The following KCNG3 variants were observed in gnomAD, a reference collection of about 807,000 sequenced individuals.
KCNG3 encodes the protein potassium voltage-gated channel modifier subfamily G member 3, also known as voltage-gated potassium channel regulatory subunit KCNG3.
In KCNG3, 15 loss-of-function variants were observed where a neutral mutation model predicts 29.0. The ratio of observed to expected loss-of-function variants is 0.52; its 90% CI spans 0.35 to 0.80. The LOEUF (loss-of-function observed/expected upper bound fraction) is 0.80. Ranked by LOEUF, KCNG3 falls within the 30% of genes least tolerant of loss-of-function variation. The pLI is 0.01. For missense variants in KCNG3, 512 were observed against 605.7 expected (o/e 0.85, Z 1.62); for synonymous variants, 322 against 248.9 (o/e 1.29, Z -2.76).
At chr2:42,408,356 G>A in the KCNG3 span, among the ~76,000 whole-genome samples, 7 of 152,128 alleles carry the variant, frequency 4.6e-5, no homozygotes, top group East Asian at 5.8e-4. Context: ...TTCTGGGCCC[G>A]CTCATGGCCG....
intron 1 of KCNG3, among the ~76,000 whole-genome samples, chr2:42,465,140 AGAAT>A (rs1673108815): frequency 6.6e-6 from 1 of 152,236 alleles, no homozygotes; most frequent in African/African-American, 2.4e-5. Flanking sequence ...AAAATTAATG[AGAAT>A]GAGTGTAGTA....
intron 1 of KCNG3, among the ~76,000 whole-genome samples, chr2:42,448,699 C>T (rs1672665672): frequency 6.6e-6 from 1 of 152,098 alleles, no homozygotes; most frequent in Non-Finnish European, 1.5e-5. Context: ...GGAAGTAAAA[C>T]ACGCTTATGG....
chr2:42,480,301 C>G (rs1218457120), intron 1 of KCNG3, among the ~76,000 whole-genome samples: 2 of 152,122 alleles, frequency 1.3e-5, no homozygotes, highest in Non-Finnish European at 2.9e-5. Flanking sequence ...TCTCATTATC[C>G]CCATCTTACA....
At chr2:42,456,451 G>A (rs929070062) in intron 1 of KCNG3, among the ~76,000 whole-genome samples, 1 of 152,078 alleles carries the variant, frequency 6.6e-6, no homozygotes, top group African/African-American at 2.4e-5. Flanking sequence ...CCTGAGCCCA[G>A]GGCTGCAGTG....
In KCNG3 at chr2:42,492,846, T is replaced by C. The variant is rs1425906052; in HGVS notation, c.656A>G (p.Glu219Gly). 2 of 1,496,674 alleles carry C rather than the reference T, an allele frequency of 1.3e-6. No homozygotes were observed. The highest frequency in any genetic ancestry group is 2.4e-5 in the Admixed American group (1 of 42,356). The allele number at this position is 1,496,674 out of a possible 1,614,324, so 92.7% of individuals were successfully genotyped here. A position where few individuals can be genotyped will look rare whatever the true frequency, so the allele number is the denominator to read the frequency against. The change falls in exon 1 of 2, where the codon GAG (glutamate) becomes GGG (glycine). Residue 219 changes from glutamate (E) to glycine (G), a missense_variant. By Grantham distance (98) the Glu-to-Gly change is moderately conservative. This residue lies in a region of KCNG3 where 228 missense variants were observed against 200.0 expected (regional missense o/e 1.14). Transcript: ENST00000306078. ...AAGCAGTGCGTCCTACCCGGAGGGC[T>C]CCCTCCCAGGGCCGGCGGAGTACCT... ...RSRYSAGPGR[E>G]PSGIIEAICI...
At chr2:42,459,580 T>C (rs1672965135) in intron 1 of KCNG3, among the ~76,000 whole-genome samples, 1 of 152,204 alleles carries the variant, frequency 6.6e-6, no homozygotes, top group Admixed American at 6.5e-5. Context: ...TCATTCACCA[T>C]GCAACAAAGC....
At chr2:42,430,421 A>C in the KCNG3 span, among the ~76,000 whole-genome samples, 1 of 151,892 alleles carries the variant, frequency 6.6e-6, no homozygotes, top group Non-Finnish European at 1.5e-5. Context: ...TACGCTAACC[A>C]ACTAGGATCA....
At chr2:42,491,029 C>T (rs1673860490) in intron 1 of KCNG3, among the ~76,000 whole-genome samples, 2 of 152,108 alleles carry the variant, frequency 1.3e-5, no homozygotes, top group Admixed American at 6.6e-5. Context: ...GGCCATTAAG[C>T]TAAGAAAAAC....
the KCNG3 span, among the ~76,000 whole-genome samples, chr2:42,419,797 G>C: frequency 6.6e-6 from 1 of 152,204 alleles, no homozygotes; most frequent in East Asian, 1.9e-4. Flanking sequence ...GCAATGAGGA[G>C]ACAACAGGTC....
intron 1 of KCNG3, among the ~76,000 whole-genome samples, chr2:42,472,670 TG>T (rs990793055): frequency 5.3e-5 from 8 of 151,834 alleles, no homozygotes; most frequent in African/African-American, 1.9e-4. Context: ...GGCTAATTTT[TG>T]TATTTTTTGG....
intron 1 of KCNG3, among the ~76,000 whole-genome samples, chr2:42,456,461 G>A: frequency 6.6e-6 from 1 of 152,056 alleles, no homozygotes; most frequent in East Asian, 1.9e-4. Flanking sequence ...GGGCTGCAGT[G>A]GGCCATGATC....
At chr2:42,472,903 A>T (rs746100589) in intron 1 of KCNG3, among the ~76,000 whole-genome samples, 1,609 of 131,516 alleles carry the variant, frequency 0.012, 43 homozygotes, top group South Asian at 0.073. Context: ...ATATATATAT[A>T]TTTTTTTTTT....
chr2:42,400,042 G>A, the KCNG3 span, among the ~76,000 whole-genome samples: 4 of 152,174 alleles, frequency 2.6e-5, no homozygotes, highest in South Asian at 2.1e-4. Context: ...CTGGAAGGTC[G>A]CGGCTGCAGT....
chr2:42,441,157 G>C (rs962434231), downstream of KCNG3, among the ~76,000 whole-genome samples: 2 of 152,128 alleles, frequency 1.3e-5, no homozygotes, highest in Non-Finnish European at 2.9e-5. Flanking sequence ...GAGGTGGGAG[G>C]ACTGCTTGAG....
chr2:42,436,263 G>A, the KCNG3 span, among the ~76,000 whole-genome samples: 4 of 152,104 alleles, frequency 2.6e-5, no homozygotes, highest in Non-Finnish European at 5.9e-5. Flanking sequence ...GACTGCTAAT[G>A]GGCACAGGGT....
the KCNG3 span, among the ~76,000 whole-genome samples, chr2:42,419,219 C>CTTTTTTTTTTTTTTTTTTTTTTTTT: frequency 7.2e-5 from 2 of 27,736 alleles, no homozygotes; most frequent in African/African-American, 1.2e-4. Context: ...GATGGTATCT[C>CTTTTTTTTTTTTTTTTTTTTTTTTT]TTTTTTTTTT....
At chr2:42,447,181 A>T (rs1481046048) in intron 1 of KCNG3, among the ~76,000 whole-genome samples, 1 of 151,230 alleles carries the variant, frequency 6.6e-6, no homozygotes, top group Non-Finnish European at 1.5e-5. Flanking sequence ...AAATATAATC[A>T]CTTTCTTATG....
At chr2:42,488,927 A>G (rs368052040) in intron 1 of KCNG3, among the ~76,000 whole-genome samples, 2 of 151,938 alleles carry the variant, frequency 1.3e-5, no homozygotes, top group East Asian at 3.9e-4. Context: ...TAAACAATAG[A>G]TATTTATGGT....
intron 1 of KCNG3, among the ~76,000 whole-genome samples, chr2:42,468,739 A>G (rs77367395): frequency 0.26 from 39,393 of 150,942 alleles, 5,761 homozygotes; most frequent in East Asian, 0.57. Context: ...TGGATCACGA[A>G]GTCAGGAGTT....
Sources: allele counts gnomAD v4.1 joint callset (sites outside exome capture counted in the v4.1 genomes callset), GRCh38; gene constraint gnomAD v4.1.1; regional missense constraint gnomAD v4.1.1; transcripts MANE v1.5; gene names NCBI Gene and HGNC (gene_info 2026-07-23, HGNC 2026-07-21).